Variants in PPP2R2B observed in about 807,000 individuals in gnomAD.
The protein encoded by PPP2R2B is protein phosphatase 2 regulatory subunit Bbeta.
Under a neutral mutation model 46.0 loss-of-function variants are expected in PPP2R2B, and 5 were observed. The observed-to-expected ratio is 0.11, with a 90% CI of 0.06 to 0.23. The LOEUF (loss-of-function observed/expected upper bound fraction) is 0.23. PPP2R2B is among the 10% of genes least tolerant of loss of function. PPP2R2B has a pLI of 1.00. For synonymous variants in PPP2R2B, 215 were observed against 206.7 expected, an observed-to-expected ratio of 1.04 and a Z score of -0.34; for missense variants, 367 against 575.0, an observed-to-expected ratio of 0.64 and a Z score of 3.70.
At chr5:146,881,691 C>G (rs1002185681), upstream of PPP2R2B, among the ~76,000 whole-genome samples, 1 of 152,174 alleles carries the variant, frequency 6.6e-6, no homozygotes, top group African/African-American at 2.4e-5. Flanking sequence ...GGATTACTGG[C>G]GTGAGCCACC....
At chr5:146,687,333 T>C (rs922737100) in intron 5 of PPP2R2B, among the ~76,000 whole-genome samples, 6 of 152,102 alleles carry the variant, frequency 3.9e-5, no homozygotes, top group Non-Finnish European at 7.4e-5. Context: ...CAGAGCAAAG[T>C]AGATCAAAGC....
At chr5:146,888,113 T>C (rs1468125072) in intron 1 of PPP2R2B, among the ~76,000 whole-genome samples, 1 of 152,142 alleles carries the variant, frequency 6.6e-6, no homozygotes, top group African/African-American at 2.4e-5. Flanking sequence ...CTCACTGCTG[T>C]GACCTCTAAA....
intron 1 of PPP2R2B, among the ~76,000 whole-genome samples, chr5:146,957,565 A>G (rs1403639836): frequency 6.6e-6 from 1 of 152,192 alleles, no homozygotes; most frequent in Non-Finnish European, 1.5e-5. Flanking sequence ...GGATATAAAC[A>G]AATAAATACA....
intron 2 of PPP2R2B, among the ~76,000 whole-genome samples, chr5:146,836,882 A>G (rs1652326082): frequency 6.6e-6 from 1 of 152,210 alleles, no homozygotes; most frequent in Admixed American, 6.5e-5. Flanking sequence ...TCATTGGAAG[A>G]TTATGTTCCT....
intron 2 of PPP2R2B, among the ~76,000 whole-genome samples, chr5:146,792,660 A>C (rs1462460891): frequency 6.6e-6 from 1 of 152,162 alleles, no homozygotes; most frequent in Non-Finnish European, 1.5e-5. Flanking sequence ...AAAAGGCAAC[A>C]CTTAAAGCCT....
At chr5:146,671,703 A>G (rs1777386520) in intron 5 of PPP2R2B, among the ~76,000 whole-genome samples, 1 of 152,212 alleles carries the variant, frequency 6.6e-6, no homozygotes, top group African/African-American at 2.4e-5. Flanking sequence ...GAGACATTAT[A>G]CATCCCAGAG....
intron 2 of PPP2R2B, among the ~76,000 whole-genome samples, chr5:146,723,582 G>A (rs996252336): frequency 6.6e-6 from 1 of 152,104 alleles, no homozygotes; most frequent in African/African-American, 2.4e-5. Flanking sequence ...TAACACCTCA[G>A]AATAAACACA....
intron 2 of PPP2R2B, among the ~76,000 whole-genome samples, chr5:146,766,302 T>TG (rs1253343736): frequency 6.6e-6 from 1 of 152,092 alleles, no homozygotes; most frequent in Admixed American, 6.5e-5. Flanking sequence ...AAAAGATGTC[T>TG]GGGAAAAAAA....
At chr5:147,043,055 G>A (rs188551144) in intron 1 of PPP2R2B, among the ~76,000 whole-genome samples, 1 of 152,212 alleles carries the variant, frequency 6.6e-6, no homozygotes, top group Non-Finnish European at 1.5e-5. Flanking sequence ...ATACTATACA[G>A]TCTGGATTGT....
At chr5:146,970,678 G>A (rs899851987) in intron 1 of PPP2R2B, among the ~76,000 whole-genome samples, 9 of 152,104 alleles carry the variant, frequency 5.9e-5, no homozygotes, top group Non-Finnish European at 1.3e-4. Context: ...CACAGGAAGA[G>A]GAATTTACAA....
intron 1 of PPP2R2B, among the ~76,000 whole-genome samples, chr5:146,959,776 A>T (rs767668468): frequency 5.3e-5 from 8 of 152,306 alleles, no homozygotes; most frequent in Admixed American, 1.3e-4. Flanking sequence ...TGTTATGCTG[A>T]TGATGGGTCT....
chr5:146,830,669 A>G (rs1344373066), intron 2 of PPP2R2B, among the ~76,000 whole-genome samples: 1 of 151,960 alleles, frequency 6.6e-6, no homozygotes, highest in Non-Finnish European at 1.5e-5. Flanking sequence ...GATGGGATTC[A>G]CCATGTTGGC....
At chr5:147,011,627 GGTGAGAGAGGGCATCCCTGTCTT>G (rs1162139102) in intron 1 of PPP2R2B, among the ~76,000 whole-genome samples, 1 of 150,876 alleles carries the variant, frequency 6.6e-6, no homozygotes, top group Non-Finnish European at 1.5e-5. Flanking sequence ...GAATAGGAGT[GGTGAGAGAGGGCATCCCTGTCTT>G]GTGCCAGTTT....
intron 7 of PPP2R2B, among the ~76,000 whole-genome samples, chr5:146,613,893 A>G (rs1430867648): frequency 7.3e-6 from 1 of 136,948 alleles, no homozygotes; most frequent in African/African-American, 3.1e-5. Flanking sequence ...CATGGGTAGG[A>G]AGAATCGATA....
At chr5:147,060,283 C>T (rs1757218361), upstream of PPP2R2B, among the ~76,000 whole-genome samples, 1 of 152,126 alleles carries the variant, frequency 6.6e-6, no homozygotes, top group African/African-American at 2.4e-5. Context: ...TTACTTAGGC[C>T]AGGCACTGTG....
intron 3 of PPP2R2B, among the ~76,000 whole-genome samples, chr5:146,699,951 G>A (rs773283730): frequency 1.3e-5 from 2 of 152,072 alleles, no homozygotes; most frequent in Admixed American, 6.6e-5. Flanking sequence ...CCACATTTTC[G>A]TGTTTCCAGG....
intron 2 of PPP2R2B, among the ~76,000 whole-genome samples, chr5:146,834,573 C>T (rs980512149): frequency 2.6e-5 from 4 of 152,172 alleles, no homozygotes; most frequent in Non-Finnish European, 5.9e-5. Context: ...CTACATTTCC[C>T]ATATGAAAAG....
At chr5:146,637,881 T>C (rs1388780518) in intron 7 of PPP2R2B, among the ~76,000 whole-genome samples, 1 of 152,138 alleles carries the variant, frequency 6.6e-6, no homozygotes, top group Non-Finnish European at 1.5e-5. Context: ...CCTCTCAATT[T>C]CCACTCACCT....
chr5:146,835,682 G>C (rs1055326715), intron 2 of PPP2R2B, among the ~76,000 whole-genome samples: 1 of 152,112 alleles, frequency 6.6e-6, no homozygotes. Context: ...GACAGACCCA[G>C]GTTCCAGAGC....
Sources: gnomAD v4.1 joint callset for allele counts (sites outside exome capture counted in the v4.1 genomes callset) on GRCh38, gnomAD v4.1.1 for gene constraint, MANE v1.5 for transcripts, NCBI Gene and HGNC (gene_info 2026-07-23, HGNC 2026-07-21) for gene names.